Variants in RACGAP1 observed in about 807,000 individuals in gnomAD.
RACGAP1 encodes Rac GTPase activating protein 1, also known as rac GTPase-activating protein 1.
A neutral mutation model predicts 78.1 loss-of-function variants in RACGAP1; 30 were observed. The ratio of observed to expected loss-of-function variants is 0.38; its 90% confidence interval spans 0.29 to 0.52. The LOEUF is 0.52. Among genes scored for constraint, RACGAP1 ranks in the 20% least tolerant of loss-of-function variants. RACGAP1 has a pLI of 0.82. For synonymous variants in RACGAP1, 231 were observed against 264.8 expected (o/e 0.87, Z 1.24); for missense variants, 587 against 777.1 (o/e 0.76, Z 2.91).
At chr12:49,999,466 G>C in intron 8 of RACGAP1, 150 bp downstream of exon 8, 1 of 959,806 alleles carries the variant, frequency 1.0e-6, no homozygotes, top group Non-Finnish European at 1.6e-6. Flanking sequence ...GGTAAAGCAT[G>C]ACACAAGCAG....
At chr12:49,999,053 T>C (rs955853383) in intron 9 of RACGAP1, 88 bp downstream of exon 9, 2 of 1,410,476 alleles carry the variant, frequency 1.4e-6, no homozygotes, top group East Asian at 5.1e-5. Context: ...CATTTAACTT[T>C]ATAACACTAA....
rs1948842481 is a variant in RACGAP1, at chr12:50,004,218, G to A, written c.495+17C>T. On this transcript the variant is annotated intron_variant, in intron 5 of 16. Coordinates refer to ENST00000312377, the MANE Select transcript of RACGAP1 (RefSeq NM_001319999.2). The stretch of plus-strand genomic sequence containing the variant: ...GTAAGAAAAGTAGGTAATTCTCAGA[G>A]ATCAAATGTTTATTACCAGTGATTC... 2 of 1,595,848 alleles carry A rather than the reference G, an allele frequency of 1.3e-6. No homozygotes were observed. The highest frequency in any genetic ancestry group is 2.7e-5 in the African/African-American group (2 of 74,818).
rs1484201804 is a variant in RACGAP1 at position 50,006,427 on chromosome 12, TACAC to T, written c.288+3_288+6del. ...ATCACTGTTCTAGCACGGAAAACAA[TACAC>T]ACCAGCTTTTCGCAGTCAGCCTCAG... On this transcript the variant is annotated splice_donor_5th_base_variant and intron_variant, in intron 3 of 16. Transcript: ENST00000312377. The T allele has an allele frequency of 3.7e-6, 6 of 1,613,876 alleles. No individual in the cohort carries two copies. The highest frequency in any genetic ancestry group is 5.1e-6 in the Non-Finnish European group (6 of 1,179,906).
At chr12:50,019,844 T>C (rs1463045160) in intron 1 of RACGAP1, 1 of 152,154 alleles carries the variant, frequency 6.6e-6, no homozygotes, top group Non-Finnish European at 1.5e-5. Context: ...TCTATTTACC[T>C]CATAGAATAT....
In RACGAP1 at chr12:49,992,055, G is replaced by A. The variant is rs949139595; in HGVS notation, c.1657C>T (p.Leu553=). The part of the protein sequence containing the change: ...MMVEQENIDP[L]HVIENSNAFS... ...GCATTTGAGTTTTCAATGACATGTA[G>A]GGGGTCAATGTTCTCTTGCTCCACC... Residue 553 remains leucine, a synonymous_variant, in exon 15 of 17, where the codon CTA becomes TTA. Transcript: ENST00000312377. 1.2e-6 allele frequency: 2 copies of A among 1,613,978 alleles called. No homozygotes were observed. Among genetic ancestry groups the A allele is most frequent in the East Asian group, 2.2e-5 (1 of 44,884 alleles).
chr12:50,007,767 C>A (rs1284204191), intron 2 of RACGAP1, among the ~76,000 whole-genome samples: 1 of 152,038 alleles, frequency 6.6e-6, no homozygotes, highest in African/African-American at 2.4e-5. Flanking sequence ...TTACAAACCA[C>A]AAATTTCAGC....
At chr12:50,004,783 C>G (rs1411538674) in intron 4 of RACGAP1, among the ~76,000 whole-genome samples, 1 of 152,200 alleles carries the variant, frequency 6.6e-6, no homozygotes, top group Non-Finnish European at 1.5e-5. Context: ...CTGACCTTTC[C>G]CTACATATTG....
chr12:49,997,633 G>A (rs1948390165), intron 9 of RACGAP1, among the ~76,000 whole-genome samples: 1 of 149,608 alleles, frequency 6.7e-6, no homozygotes, highest in African/African-American at 2.5e-5. Flanking sequence ...GAGTGCAATG[G>A]CGTGGTAGAG....
At position 49,992,259 on chromosome 12, in the gene RACGAP1, T is replaced by C; in HGVS notation, c.1564A>G (p.Lys522Glu). 1 of 1,614,168 alleles carries C rather than the reference T, an allele frequency of 6.2e-7. No homozygotes were observed. The highest frequency in any genetic ancestry group is 8.5e-7 in the Non-Finnish European group (1 of 1,180,026). The change falls in exon 14 of 17, where the codon AAG becomes GAG. Residue 522 changes from lysine to glutamate, a missense_variant. By Grantham distance (56) the Lys-to-Glu change is moderately conservative. Transcript: ENST00000312377. ...CACCTGCCTACCTTGGGTTGACGCT[T>C]GATGTCCTGTAACATTGTCACTGGG... Reference protein sequence around the residue: ...PDPVTMLQDIKRQPKVVERLL... With the variant: ...PDPVTMLQDIERQPKVVERLL...
At position 50,016,663 on chromosome 12, in the gene RACGAP1, C is replaced by T. The variant is rs149682099; in HGVS notation, c.53G>A (p.Arg18Gln). Residue 18 changes from arginine to glutamine, a missense_variant, in exon 2 of 17, where the codon CGG becomes CAG. Arg to Gln is a conservative substitution (Grantham distance 43, BLOSUM62 1). Transcript: ENST00000312377. ...ATTTCCTTCACTGAGAATCTCCACC[C>T]GGCGCACAAGCTGCTCAAACAGATT... The part of the protein sequence containing the change: ...VRNLFEQLVR[R>Q]VEILSEGNEV... 16 of 1,613,892 alleles carry T rather than the reference C, an allele frequency of 9.9e-6. No homozygotes were observed. The highest frequency in any genetic ancestry group is 1.6e-4 in the Middle Eastern group (1 of 6,084).
chr12:49,992,178 T>G (rs745410901), intron 14 of RACGAP1, 45 bp from the exon 15 acceptor site: 3 of 1,612,588 alleles, frequency 1.9e-6, no homozygotes, highest in Non-Finnish European at 2.5e-6. Context: ...AGCTCAGGGC[T>G]TCTCAACTGT....
chr12:50,030,922 G>C (rs897723967), intron 2 of RACGAP1, among the ~76,000 whole-genome samples: 1 of 150,854 alleles, frequency 6.6e-6, no homozygotes, highest in African/African-American at 2.4e-5. Flanking sequence ...TGGGATTACA[G>C]GCGCCCACCA....
chr12:50,022,384 A>C (rs1950055805), intron 1 of RACGAP1, among the ~76,000 whole-genome samples: 1 of 152,142 alleles, frequency 6.6e-6, no homozygotes, highest in African/African-American at 2.4e-5. Flanking sequence ...GCAGTTTGAG[A>C]CCAGCCTGAT....
At chr12:50,028,156 A>G (rs145935822), upstream of RACGAP1, among the ~76,000 whole-genome samples, 37 of 152,328 alleles carry the variant, frequency 2.4e-4, no homozygotes, top group African/African-American at 4.3e-4. Flanking sequence ...TAGACTCTCT[A>G]TTTAGGCCAG....
At chr12:50,003,072 A>C (rs1948783379) in intron 5 of RACGAP1, among the ~76,000 whole-genome samples, 1 of 151,812 alleles carries the variant, frequency 6.6e-6, no homozygotes, top group African/African-American at 2.4e-5. Context: ...CTTAGGCCCT[A>C]AAACGTGTCC....
chr12:49,990,264 G>A lies in RACGAP1; in HGVS notation c.*4C>T, dbSNP rs201196659. 2 of 1,610,252 alleles carry A rather than the reference G, an allele frequency of 1.2e-6. No individual in the cohort carries two copies. The highest frequency in any genetic ancestry group is 4.5e-5 in the East Asian group (2 of 44,854). ...ATGCTGGGAAGTAACAGGCAGATGT[G>A]ACTTCACTTGAGCATTGGAGAAGCA... On this transcript the variant is annotated 3_prime_UTR_variant, in exon 17 of 17. Transcript: ENST00000312377.
intron 5 of RACGAP1, among the ~76,000 whole-genome samples, chr12:50,003,645 C>T (rs961316360): frequency 6.6e-6 from 1 of 152,194 alleles, no homozygotes; most frequent in East Asian, 1.9e-4. Context: ...CAGGAGATGA[C>T]CTTTTATGCA....
chr12:49,991,481 T>TATATATATATA (rs1592124066), intron 15 of RACGAP1, among the ~76,000 whole-genome samples: 22 of 9,142 alleles, frequency 2.4e-3, no homozygotes, highest in Admixed American at 7.6e-3. Context: ...ATATATATAT[T>TATATATATATA]TTTTTTTTTT....
intron 1 of RACGAP1, among the ~76,000 whole-genome samples, chr12:50,024,155 C>T (rs113533427): frequency 0.013 from 1,927 of 151,006 alleles, 38 homozygotes; most frequent in African/African-American, 0.045. Context: ...AGCGAGACTC[C>T]GTCTCAAAAA....
Sources: allele counts gnomAD v4.1 joint callset (sites outside exome capture counted in the v4.1 genomes callset), GRCh38; gene constraint gnomAD v4.1.1; transcripts MANE v1.5; gene names NCBI Gene and HGNC (gene_info 2026-07-23, HGNC 2026-07-21).